Variants in CDH13 observed in about 807,000 individuals in gnomAD.
CDH13 encodes the protein cadherin-13.
In CDH13, 24 loss-of-function variants were observed where a neutral mutation model predicts 63.8. The ratio of observed to expected loss-of-function variants is 0.38; its 90% CI spans 0.27 to 0.53. CDH13 has a LOEUF of 0.53. CDH13 is among the 20% of genes least tolerant of loss of function. CDH13 has a pLI of 0.85. For synonymous variants in CDH13, 503 were observed against 355.3 expected (o/e 1.42, Z -4.67); for missense variants, 1,049 against 903.1 (o/e 1.16, Z -2.07).
intron 1 of CDH13, among the ~76,000 whole-genome samples, chr16:82,665,812 C>A (rs977769777): frequency 1.8e-4 from 27 of 152,010 alleles, no homozygotes; most frequent in South Asian, 2.1e-4. Context: ...GTGCTTAGAG[C>A]ACTTGCGTTA....
intron 7 of CDH13, among the ~76,000 whole-genome samples, chr16:83,511,025 C>G (rs949363028): frequency 6.6e-6 from 1 of 152,270 alleles, no homozygotes; most frequent in Non-Finnish European, 1.5e-5. Flanking sequence ...CACACATACA[C>G]GGACACGCAC....
intron 5 of CDH13, among the ~76,000 whole-genome samples, chr16:83,333,244 G>C (rs2090515688): frequency 6.6e-6 from 1 of 152,092 alleles, no homozygotes; most frequent in Non-Finnish European, 1.5e-5. Flanking sequence ...AATGCAAGTT[G>C]TTGGCGTCAG....
intron 1 of CDH13, among the ~76,000 whole-genome samples, chr16:82,808,842 A>T (rs779988131): frequency 6.6e-6 from 1 of 152,108 alleles, no homozygotes; most frequent in Non-Finnish European, 1.5e-5. Context: ...GTCTGCCAAA[A>T]ATTAATTCAT....
chr16:82,632,296 T>A (rs1036503974), intron 1 of CDH13, among the ~76,000 whole-genome samples: 2 of 152,320 alleles, frequency 1.3e-5, no homozygotes, highest in East Asian at 3.9e-4. Flanking sequence ...TTGATGCAGT[T>A]TATTTCTCAG....
intron 1 of CDH13, among the ~76,000 whole-genome samples, chr16:82,641,202 T>C (rs1597192708): frequency 6.6e-6 from 1 of 152,200 alleles, no homozygotes; most frequent in Non-Finnish European, 1.5e-5. Context: ...CTCGCCCTTA[T>C]CTTCTGCTGG....
chr16:82,886,793 C>A (rs778771364), intron 2 of CDH13, among the ~76,000 whole-genome samples: 10 of 152,144 alleles, frequency 6.6e-5, no homozygotes, highest in African/African-American at 2.4e-4. Context: ...GGGCTTGAGT[C>A]CATTCCCAAG....
intron 4 of CDH13, among the ~76,000 whole-genome samples, chr16:83,212,365 C>T (rs2039362882): frequency 6.6e-6 from 1 of 152,134 alleles, no homozygotes; most frequent in African/African-American, 2.4e-5. Context: ...CTTGAGCTTC[C>T]TCCTGGATCT....
At chr16:82,993,832 A>C (rs1412637946) in intron 2 of CDH13, among the ~76,000 whole-genome samples, 1 of 152,164 alleles carries the variant, frequency 6.6e-6, no homozygotes, top group African/African-American at 2.4e-5. Context: ...ACAGGGTTAT[A>C]GTCAGGTGGA....
chr16:83,737,984 T>C (rs1027099828), intron 10 of CDH13, among the ~76,000 whole-genome samples: 1 of 152,244 alleles, frequency 6.6e-6, no homozygotes, highest in South Asian at 2.1e-4. Context: ...CAGACAGTAA[T>C]GTATATGAAT....
intron 3 of CDH13, among the ~76,000 whole-genome samples, chr16:83,081,100 C>T (rs535249539): frequency 1.1e-4 from 17 of 151,820 alleles, no homozygotes; most frequent in African/African-American, 3.9e-4. Flanking sequence ...AGGCTGGTCT[C>T]GAACTCCCGA....
rs200853526 is a variant in CDH13 at position 82,998,862 on chromosome 16, C to CTT, written c.158-33132_158-33131dup. Among the ~76,000 whole-genome samples, 49 of 128,540 alleles carry CTT rather than the reference C, an allele frequency of 3.8e-4. No individual in the cohort carries two copies. In the Middle Eastern group the frequency reaches 0.012, roughly 32 times the overall value. The allele number at this position is 128,540 out of a possible 152,430, so 84.3% of individuals were successfully genotyped here. A position where few individuals can be genotyped will look rare whatever the true frequency, so the allele number is the denominator to read the frequency against. On this transcript the variant is annotated intron_variant, in intron 2 of 13. Coordinates refer to ENST00000567109, the MANE Select transcript of CDH13 (RefSeq NM_001257.5). The stretch of plus-strand genomic sequence containing the variant: ...GCTGCCATGTAATTTCCCCTTGATC[C>CTT]TTTTTTTTTTTTTTTTTGCAGATAC...
chr16:83,028,601 A>T (rs1287433564), intron 2 of CDH13, among the ~76,000 whole-genome samples: 1 of 152,190 alleles, frequency 6.6e-6, no homozygotes, highest in African/African-American at 2.4e-5. Context: ...ACCCAACCCT[A>T]TATATGCTAA....
intron 7 of CDH13, among the ~76,000 whole-genome samples, chr16:83,560,253 T>C (rs1351256326): frequency 1.3e-5 from 2 of 152,220 alleles, no homozygotes; most frequent in South Asian, 2.1e-4. Flanking sequence ...TCTCTCTTAC[T>C]TTTATCCATA....
chr16:83,602,638 T>A (rs1349101467), intron 8 of CDH13, 44 bp downstream of exon 8: 1 of 1,602,754 alleles, frequency 6.2e-7, no homozygotes, highest in Non-Finnish European at 8.5e-7. Context: ...TGGTCACAGC[T>A]ACAATTACTG....
chr16:83,311,852 A>G (rs994341305), intron 5 of CDH13, among the ~76,000 whole-genome samples: 4 of 152,144 alleles, frequency 2.6e-5, no homozygotes, highest in Non-Finnish European at 4.4e-5. Flanking sequence ...AGGCGGGTGG[A>G]TCACCTGAGG....
intron 6 of CDH13, among the ~76,000 whole-genome samples, chr16:83,379,919 G>GTGTGTATA (rs1555538670): frequency 1.0e-4 from 13 of 126,438 alleles, no homozygotes; most frequent in Non-Finnish European, 1.1e-4. Context: ...ATGTGTGTGT[G>GTGTGTATA]TATATATATA....
At chr16:82,954,227 G>C (rs1417105377) in intron 2 of CDH13, 1 of 152,094 alleles carries the variant, frequency 6.6e-6, no homozygotes, top group African/African-American at 2.4e-5. Flanking sequence ...AGGAAGCTGG[G>C]TATTGCTCTT....
At chr16:82,839,420 C>A (rs766901387) in intron 1 of CDH13, among the ~76,000 whole-genome samples, 5 of 152,190 alleles carry the variant, frequency 3.3e-5, no homozygotes, top group Non-Finnish European at 7.3e-5. Flanking sequence ...CGTGTGCCAT[C>A]AATTTCCTGC....
intron 6 of CDH13, among the ~76,000 whole-genome samples, chr16:83,424,389 G>A (rs1411523049): frequency 2.6e-5 from 4 of 152,236 alleles, no homozygotes; most frequent in Non-Finnish European, 4.4e-5. Flanking sequence ...GTAGCCTAGA[G>A]TTTAATCACA....
Sources: allele counts gnomAD v4.1 joint callset (sites outside exome capture counted in the v4.1 genomes callset), GRCh38; gene constraint gnomAD v4.1.1; transcripts MANE v1.5; gene names NCBI Gene and HGNC (gene_info 2026-07-23, HGNC 2026-07-21).